The following EML5 variants were observed in gnomAD, a reference collection of about 807,000 sequenced individuals.
The protein encoded by EML5 is EMAP like 5, also known as echinoderm microtubule-associated protein-like 5.
A neutral mutation model predicts 250.0 loss-of-function variants in EML5; 120 were observed. The observed-to-expected ratio is 0.48, with a 90% CI of 0.41 to 0.56. The LOEUF is 0.56. EML5 is among the 20% of genes least tolerant of loss of function. The pLI is 0.00. For missense variants in EML5, 2,006 were observed against 2,437.6 expected (o/e 0.82, Z 3.73); for synonymous variants, 771 against 806.5 (o/e 0.96, Z 0.75).
intron 2 of EML5, among the ~76,000 whole-genome samples, chr14:88,751,427 A>G (rs1329619726): frequency 2.0e-5 from 3 of 152,196 alleles, no homozygotes; most frequent in Admixed American, 6.5e-5. Flanking sequence ...CAGTAATTCA[A>G]TCCAGGGGAG....
chr14:88,714,258 T>C (rs1480864279), intron 9 of EML5, among the ~76,000 whole-genome samples: 1 of 152,238 alleles, frequency 6.6e-6, no homozygotes, highest in Non-Finnish European at 1.5e-5. Context: ...ACAGTGGTAC[T>C]TTACCATACA....
intron 28 of EML5, among the ~76,000 whole-genome samples, chr14:88,648,016 C>A (rs959537595): frequency 6.6e-5 from 10 of 152,120 alleles, no homozygotes; most frequent in Non-Finnish European, 1.0e-4. Flanking sequence ...TGAATCCAAG[C>A]AGGCAGAATT....
rs181716847 is a variant in EML5 at position 88,646,851 on chromosome 14, A to G, written c.4028+96T>C. The G allele has an allele frequency of 2.3e-6, 3 of 1,304,346 alleles. No individual in the cohort carries two copies. In the East Asian group the frequency reaches 7.2e-5, roughly 31 times the overall value. The allele number at this position is 1,304,346 out of a possible 1,614,324, so 80.8% of individuals were successfully genotyped here. ...AATGTGCAAAACTGTGAAGAGAGGT[A>G]AAGAACACTAAGTAACAGTATCCCA... On this transcript the variant is annotated intron_variant, in intron 29 of 43. Coordinates refer to ENST00000554922, the MANE Select transcript of EML5 (RefSeq NM_183387.3).
chr14:88,644,572 C>T (rs973612680), intron 29 of EML5, 61 bp from the exon 30 acceptor site: 23 of 1,473,248 alleles, frequency 1.6e-5, no homozygotes, highest in African/African-American at 2.8e-5. Context: ...CACTGAGCCT[C>T]TCACACCATC....
At position 88,687,276 on chromosome 14, in the gene EML5, AAG is replaced by A; in HGVS notation, c.2792_2793del (p.Ser931PhefsTer2). On this transcript the variant is annotated frameshift_variant, in exon 19 of 44. Transcript: ENST00000554922. LOFTEE classifies it high-confidence loss of function. ...GCATAGGTCTTGAGACATCTTTCAA[AAG>A]AGTCATCCCAAAGAGCTACTATACC... Reference protein sequence around the residue: ...KDGIVALWDDSFERCLKTYAI... With the variant: ...KDGIVALWDDXFERCLKTYAI... 6.2e-7 allele frequency: 1 copy of A among 1,612,644 alleles called. No homozygotes were observed. Among genetic ancestry groups the A allele is most frequent in the Non-Finnish European group, 8.5e-7 (1 of 1,179,422 alleles).
chr14:88,634,769 T>A (rs1358095016), intron 32 of EML5, among the ~76,000 whole-genome samples: 2 of 152,172 alleles, frequency 1.3e-5, no homozygotes, highest in Non-Finnish European at 2.9e-5. Context: ...GATACTGATA[T>A]GATTTAAAAT....
intron 1 of EML5, among the ~76,000 whole-genome samples, chr14:88,781,290 G>A (rs2094495219): frequency 6.6e-6 from 1 of 152,204 alleles, no homozygotes; most frequent in Admixed American, 6.5e-5. Flanking sequence ...TAACTTTCCA[G>A]TAGGGTAAAA....
intron 17 of EML5, among the ~76,000 whole-genome samples, chr14:88,690,138 G>C (rs2092923995): frequency 1.3e-5 from 2 of 152,186 alleles, no homozygotes; most frequent in Admixed American, 1.3e-4. Flanking sequence ...AACATCCAGG[G>C]AGACAAGTAT....
intron 38 of EML5, 60 bp downstream of exon 38, chr14:88,621,052 GA>G: frequency 6.6e-7 from 1 of 1,525,584 alleles, no homozygotes; most frequent in South Asian, 1.3e-5. Flanking sequence ...TAGCAATTTA[GA>G]ACTTCCAACT....
intron 34 of EML5, 111 bp from the exon 35 acceptor site, chr14:88,627,157 G>C: frequency 2.9e-6 from 3 of 1,033,232 alleles, no homozygotes; most frequent in Non-Finnish European, 4.4e-6. Context: ...TAGAAGAGAG[G>C]CCAATGGCCC....
Position 88,627,680 on chromosome 14 carries a change from T to C in EML5, c.4497A>G (p.Pro1499=), listed in dbSNP as rs2090109113. ...ATCTCCAAATGGTAATAGTATGTTC[T>C]GGGTCTAGTCCCACAGACAGCAATA... is the stretch of plus-strand genomic sequence containing the variant. The part of the protein sequence containing the change: ...GKLLLSVGLD[P]EHTITIWRWQ... The change falls in exon 34 of 44, where the codon CCA becomes CCG. Residue 1499 remains proline (P), a synonymous_variant. Coordinates refer to ENST00000554922, the MANE Select transcript of EML5 (RefSeq NM_183387.3). 1.2e-6 allele frequency: 2 copies of C among 1,612,778 alleles called. No homozygotes were observed. The highest frequency in any genetic ancestry group is 8.5e-7 in the Non-Finnish European group (1 of 1,179,566).
At chr14:88,775,601 G>C (rs752580426) in intron 1 of EML5, among the ~76,000 whole-genome samples, 2 of 152,194 alleles carry the variant, frequency 1.3e-5, no homozygotes, top group African/African-American at 2.4e-5. Context: ...CAGTACAACA[G>C]AACACCAGGT....
At chr14:88,767,070 C>T (rs188345359) in intron 1 of EML5, among the ~76,000 whole-genome samples, 1 of 152,242 alleles carries the variant, frequency 6.6e-6, no homozygotes, top group East Asian at 1.9e-4. Flanking sequence ...ATCCTGAGCA[C>T]TTCGAATATT....
intron 27 of EML5, among the ~76,000 whole-genome samples, chr14:88,652,579 G>A (rs953699363): frequency 1.3e-5 from 2 of 152,088 alleles, no homozygotes; most frequent in African/African-American, 4.8e-5. Context: ...TACAAATCCT[G>A]TTCAACTGTG....
At chr14:88,775,561 C>A (rs1219784681) in intron 1 of EML5, among the ~76,000 whole-genome samples, 4 of 152,134 alleles carry the variant, frequency 2.6e-5, no homozygotes, top group Admixed American at 2.6e-4. Flanking sequence ...GGAAGGACTG[C>A]GCCTTGTGGT....
At chr14:88,791,837 T>C (rs1383147038) in intron 1 of EML5, among the ~76,000 whole-genome samples, 2 of 152,144 alleles carry the variant, frequency 1.3e-5, no homozygotes, top group Non-Finnish European at 2.9e-5. Context: ...GTGAGAGCCC[T>C]TCAGGACGCC....
At chr14:88,668,128 G>A (rs1413446625) in intron 21 of EML5, among the ~76,000 whole-genome samples, 4 of 152,194 alleles carry the variant, frequency 2.6e-5, no homozygotes, top group African/African-American at 9.7e-5. Context: ...TTTCTATGGT[G>A]GCTACCTCTA....
chr14:88,677,022 A>C, intron 21 of EML5, among the ~76,000 whole-genome samples: 1 of 152,170 alleles, frequency 6.6e-6, no homozygotes, highest in East Asian at 1.9e-4. Context: ...CTCTTGCCTA[A>C]GCCTCCCAAG....
chr14:88,767,539 A>G (rs553745157), intron 1 of EML5, among the ~76,000 whole-genome samples: 2 of 152,110 alleles, frequency 1.3e-5, no homozygotes, highest in African/African-American at 2.4e-5. Context: ...CCTATTTTTA[A>G]ATTATTTGTC....
Sources: gnomAD v4.1 joint callset for allele counts (sites outside exome capture counted in the v4.1 genomes callset) on GRCh38, gnomAD v4.1.1 for gene constraint, MANE v1.5 for transcripts, NCBI Gene and HGNC (gene_info 2026-07-23, HGNC 2026-07-21) for gene names.